The following NUP160 variants were observed in gnomAD, a reference collection of about 807,000 sequenced individuals.
NUP160 encodes the protein nuclear pore complex protein Nup160.
A neutral mutation model predicts 196.9 loss-of-function variants in NUP160; 94 were observed. That is an observed-to-expected ratio of 0.48 (90% CI 0.40 to 0.57). The LOEUF (loss-of-function observed/expected upper bound fraction) is 0.57, where lower values mean the gene tolerates loss of function less well. Ranked by LOEUF, NUP160 falls within the 20% of genes least tolerant of loss-of-function variation. The pLI, the probability that NUP160 is intolerant of heterozygous loss-of-function variation, is 0.00. For synonymous variants in NUP160, 605 were observed against 619.7 expected (o/e 0.98, Z 0.35); for missense variants, 1,638 against 1,748.3 (o/e 0.94, Z 1.13).
rs146186362 is a variant in NUP160 at position 47,792,861 on chromosome 11, A to T, written c.3375T>A (p.Tyr1125Ter). ...GTCGTAAACAATTGAGAGCAGCCAG[A>T]TAACAGTTGCCTTGTTTCTCAAGTC... Residue 1125 changes from tyrosine to a stop codon, truncating the protein, a stop_gained, in exon 28 of 36, where the codon TAT becomes TAA. Transcript: ENST00000378460. LOFTEE classifies it high-confidence loss of function. 6.2e-7 allele frequency: 1 copy of T among 1,614,116 alleles called. No homozygotes were observed. The highest frequency in any genetic ancestry group is 1.3e-5 in the African/African-American group (1 of 74,950).
intron 2 of NUP160, 33 bp from the exon 3 acceptor site, chr11:47,840,621 T>G (rs1439268888): frequency 6.7e-7 from 1 of 1,483,430 alleles, no homozygotes; most frequent in Non-Finnish European, 9.2e-7. Flanking sequence ...TTGAAAAGTT[T>G]ATGCTTTTCT....
chr11:47,835,136 C>T (rs961732250), intron 7 of NUP160, among the ~76,000 whole-genome samples: 23 of 152,244 alleles, frequency 1.5e-4, no homozygotes, highest in African/African-American at 4.6e-4. Flanking sequence ...ATGGATAAAA[C>T]GCATATAGCA....
chr11:47,841,580 T>C, intron 2 of NUP160: 1 of 429,248 alleles, frequency 2.3e-6, no homozygotes, highest in South Asian at 2.1e-5. Flanking sequence ...TCTACGAGTT[T>C]GCCACCGAAG....
intron 2 of NUP160, chr11:47,841,446 A>G: frequency 2.4e-6 from 1 of 423,896 alleles, no homozygotes; most frequent in Non-Finnish European, 4.5e-6. Context: ...CCACTGGCAG[A>G]GCATTTCTTT....
chr11:47,842,866 T>C (rs1852332341), intron 2 of NUP160, among the ~76,000 whole-genome samples: 2 of 152,070 alleles, frequency 1.3e-5, no homozygotes, highest in Non-Finnish European at 2.9e-5. Flanking sequence ...TGCCCGCCTG[T>C]AATCTCAGCC....
At chr11:47,787,848 G>A (rs907066904) in intron 31 of NUP160, among the ~76,000 whole-genome samples, 6 of 152,086 alleles carry the variant, frequency 3.9e-5, no homozygotes, top group Admixed American at 6.6e-5. Flanking sequence ...CTCCCGAGTA[G>A]CTGGGACTAC....
At chr11:47,839,637 T>C in intron 4 of NUP160, 1 of 577,474 alleles carries the variant, frequency 1.7e-6, no homozygotes, top group Non-Finnish European at 3.1e-6. Flanking sequence ...TACTTGTCTA[T>C]TTGTTTTTCC....
At chr11:47,823,477 C>T (rs181650361) in intron 7 of NUP160, among the ~76,000 whole-genome samples, 4 of 152,184 alleles carry the variant, frequency 2.6e-5, no homozygotes, top group Admixed American at 2.0e-4. Context: ...TGGTTTATGT[C>T]GTTTAGCATA....
chr11:47,809,137 T>C (rs1257761390), intron 17 of NUP160, among the ~76,000 whole-genome samples: 2 of 150,906 alleles, frequency 1.3e-5, no homozygotes, highest in East Asian at 3.9e-4. Flanking sequence ...AGTGGTGGTA[T>C]GTGCCTGTAG....
At chr11:47,831,249 C>A (rs1306313114) in intron 7 of NUP160, among the ~76,000 whole-genome samples, 3 of 152,184 alleles carry the variant, frequency 2.0e-5, no homozygotes, top group African/African-American at 7.2e-5. Context: ...CCAATAAGCA[C>A]TAAAAAGATG....
chr11:47,779,549 A>G (rs7114813), intron 35 of NUP160: 210,081 of 516,174 alleles, frequency 0.41, 46,489 homozygotes, highest in South Asian at 0.53. Context: ...AATATTTTAG[A>G]TAGGCTCAGG....
In NUP160 at chr11:47,801,690, AT is replaced by A. The variant is rs1022694893; in HGVS notation, c.2895+120del. 31 of 946,366 alleles carry A rather than the reference AT, an allele frequency of 3.3e-5. No individual in the cohort carries two copies. In the African/African-American group the frequency reaches 4.6e-4, roughly 14 times the overall value. 58.6% of individuals were successfully genotyped at this position (946,366 alleles called of 1,614,324 possible). ...CTCTAGGCAAATTCATTTTTTTTAA[AT>A]TTGGAAGTTCAGGGAGCAACTGAAT... On this transcript the variant is annotated intron_variant, in intron 23 of 35. Transcript: ENST00000378460.
In NUP160 at chr11:47,808,392, TCA is replaced by T. The variant is rs780258792; in HGVS notation, c.2375+2_2375+3del. Reference sequence around the variant, plus strand: ...TTTTAAATAATTGGGATAATGAAACTCACAGTGTGTCAAGTGGAACATCAGTT... The same window carrying T: ...TTTTAAATAATTGGGATAATGAAACTCAGTGTGTCAAGTGGAACATCAGTT... On this transcript the variant is annotated splice_donor_variant and splice_donor_region_variant and intron_variant, in intron 18 of 35. Transcript: ENST00000378460. LOFTEE classifies it high-confidence loss of function. The T allele has an allele frequency of 6.2e-7, 1 of 1,607,456 alleles. No homozygotes were observed. Among genetic ancestry groups the T allele is most frequent in the Admixed American group, 1.7e-5 (1 of 58,594 alleles).
chr11:47,794,835 C>T (rs1472068808), intron 27 of NUP160, among the ~76,000 whole-genome samples: 4 of 152,048 alleles, frequency 2.6e-5, no homozygotes, highest in African/African-American at 9.7e-5. Flanking sequence ...TCGCTTGAAC[C>T]TGGGAAGGCG....
rs1438413735 is a variant in NUP160 at position 47,812,904 on chromosome 11, C to A, written c.1930G>T (p.Glu644Ter). 1 of 1,613,210 alleles carries A rather than the reference C, an allele frequency of 6.2e-7. No homozygotes were observed. The highest frequency in any genetic ancestry group is 1.1e-5 in the South Asian group (1 of 90,948). The stretch of plus-strand genomic sequence containing the variant: ...TACACATCAATAGTGATCATATCTT[C>A]CAGAATCTGCTCTGCAGCCTTTTCC... The change falls in exon 15 of 36, where the codon GAA (glutamate) becomes TAA (stop). Residue 644 changes from glutamate to a stop codon, truncating the protein, a stop_gained. Coordinates refer to ENST00000378460, the Ensembl canonical transcript of NUP160. LOFTEE classifies it high-confidence loss of function.
At chr11:47,781,400 C>G (rs1011441453) in intron 34 of NUP160, among the ~76,000 whole-genome samples, 7 of 151,780 alleles carry the variant, frequency 4.6e-5, no homozygotes, top group Admixed American at 3.9e-4. Flanking sequence ...ATAGCTGGGA[C>G]TATAGGCACG....
intron 11 of NUP160, among the ~76,000 whole-genome samples, chr11:47,817,615 G>A (rs1851765346): frequency 6.6e-6 from 1 of 152,194 alleles, no homozygotes; most frequent in African/African-American, 2.4e-5. Context: ...GAAGTGCTGG[G>A]ATTACAGGCG....
chr11:47,791,877 A>G, intron 29 of NUP160, 53 bp downstream of exon 29: 1 of 1,120,386 alleles, frequency 8.9e-7, no homozygotes, highest in Non-Finnish European at 1.3e-6. Flanking sequence ...ACAACTAACA[A>G]TAACAACATT....
intron 2 of NUP160, among the ~76,000 whole-genome samples, chr11:47,841,160 TTTCA>T (rs1244790688): frequency 6.6e-6 from 1 of 152,156 alleles, no homozygotes; most frequent in East Asian, 1.9e-4. Context: ...CTATTCTAAC[TTTCA>T]TTATTACTCC....
Sources: gnomAD v4.1 joint callset for allele counts (sites outside exome capture counted in the v4.1 genomes callset) on GRCh38, gnomAD v4.1.1 for gene constraint, MANE v1.5 for transcripts, NCBI Gene and HGNC (gene_info 2026-07-23, HGNC 2026-07-21) for gene names.